CSMD3: variants seen among roughly 807,000 people sequenced by gnomAD.
CSMD3 encodes the protein CUB and sushi domain-containing protein 3.
Under a neutral mutation model 435.2 loss-of-function variants are expected in CSMD3, and 177 were observed. The ratio of observed to expected loss-of-function variants is 0.41; its 90% CI spans 0.36 to 0.46. The LOEUF (loss-of-function observed/expected upper bound fraction) is 0.46. Ranked by LOEUF, CSMD3 falls within the 20% of genes least tolerant of loss-of-function variation. The probability of loss-of-function intolerance (pLI) is 0.34; values close to 1 mark genes in which losing one functional copy is unlikely to be tolerated. For synonymous variants in CSMD3, 1,656 were observed against 1,520.5 expected (o/e 1.09, Z -2.07); for missense variants, 4,265 against 4,504.6 (o/e 0.95, Z 1.52).
chr8:113,391,160 C>T (rs961692245), intron 1 of CSMD3, among the ~76,000 whole-genome samples: 1 of 151,756 alleles, frequency 6.6e-6, no homozygotes, highest in Non-Finnish European at 1.5e-5. Context: ...CATAGATTCA[C>T]CAAAAATATC....
chr8:112,966,679 G>A (rs986774156), intron 7 of CSMD3, among the ~76,000 whole-genome samples: 2 of 151,534 alleles, frequency 1.3e-5, no homozygotes, highest in Non-Finnish European at 3.0e-5. Flanking sequence ...ACTTGGTGTT[G>A]ATTTTCTTAT....
At chr8:112,713,594 T>C (rs1230807607) in intron 13 of CSMD3, among the ~76,000 whole-genome samples, 2 of 151,908 alleles carry the variant, frequency 1.3e-5, no homozygotes, top group East Asian at 3.9e-4. Flanking sequence ...AGGTACTACA[T>C]GAGAAGATCA....
chr8:112,919,878 G>A (rs1445772644), intron 10 of CSMD3, among the ~76,000 whole-genome samples: 2 of 151,756 alleles, frequency 1.3e-5, no homozygotes, highest in Non-Finnish European at 2.9e-5. Flanking sequence ...CTATAAAAAA[G>A]TGTGCCTTTC....
At chr8:112,997,427 T>C (rs1253512768) in intron 6 of CSMD3, among the ~76,000 whole-genome samples, 1 of 151,642 alleles carries the variant, frequency 6.6e-6, no homozygotes, top group South Asian at 2.1e-4. Flanking sequence ...TGGATACCTG[T>C]TTTCTCAATG....
chr8:112,446,645 C>T (rs1815637032), intron 32 of CSMD3, among the ~76,000 whole-genome samples: 1 of 152,170 alleles, frequency 6.6e-6, no homozygotes, highest in Admixed American at 6.5e-5. Context: ...TTAGGTTTTT[C>T]ATTATTTTTG....
chr8:113,025,097 G>A (rs1194386705), intron 5 of CSMD3, among the ~76,000 whole-genome samples: 1 of 151,758 alleles, frequency 6.6e-6, no homozygotes, highest in East Asian at 1.9e-4. Flanking sequence ...ATCTTTTTCA[G>A]ACTCTTCATA....
intron 45 of CSMD3, among the ~76,000 whole-genome samples, chr8:112,331,047 T>C (rs1207347367): frequency 3.3e-5 from 5 of 152,026 alleles, no homozygotes; most frequent in African/African-American, 9.7e-5. Flanking sequence ...ACTTACCTTA[T>C]AGGGTTACTA....
intron 10 of CSMD3, among the ~76,000 whole-genome samples, chr8:112,878,863 C>T (rs1033457480): frequency 1.5e-4 from 23 of 152,040 alleles, no homozygotes; most frequent in Non-Finnish European, 3.1e-4. Flanking sequence ...TTATTAGTTC[C>T]CCAAATTAAT....
At position 112,289,326 on chromosome 8, in the gene CSMD3, T is replaced by C. The variant is rs759938687; in HGVS notation, c.9148+39A>G. ...GCTACTACTACTACTAACAATAATG[T>C]AATTTCCAACACATATTGTCCAATT... On this transcript the variant is annotated intron_variant, in intron 57 of 70. Transcript: ENST00000297405. The C allele has an allele frequency of 9.1e-6, 14 of 1,539,710 alleles. No homozygotes were observed. In the South Asian group the frequency reaches 1.6e-4, roughly 17 times the overall value.
At chr8:112,804,675 A>G (rs3887721) in intron 12 of CSMD3, among the ~76,000 whole-genome samples, 3 of 134,422 alleles carry the variant, frequency 2.2e-5, no homozygotes, top group Non-Finnish European at 4.9e-5. Context: ...ATTTTATTTT[A>G]TTTTTTTTGA....
intron 32 of CSMD3, among the ~76,000 whole-genome samples, chr8:112,422,433 G>A (rs1308344956): frequency 6.6e-6 from 1 of 152,148 alleles, no homozygotes; most frequent in Non-Finnish European, 1.5e-5. Context: ...CACAGGAGTA[G>A]CAGAATCTAT....
At chr8:112,758,990 A>T (rs2077769866) in intron 13 of CSMD3, among the ~76,000 whole-genome samples, 1 of 152,186 alleles carries the variant, frequency 6.6e-6, no homozygotes, top group South Asian at 2.1e-4. Flanking sequence ...ATAATAATTC[A>T]AAGACAGGGT....
chr8:112,350,531 A>G (rs143642476), intron 40 of CSMD3, among the ~76,000 whole-genome samples: 113 of 152,192 alleles, frequency 7.4e-4, no homozygotes, highest in African/African-American at 2.7e-3. Flanking sequence ...ATAGTAATTG[A>G]ATGTTTTAAA....
At chr8:112,391,794 T>G (rs1258390035) in intron 35 of CSMD3, among the ~76,000 whole-genome samples, 1 of 152,082 alleles carries the variant, frequency 6.6e-6, no homozygotes, top group African/African-American at 2.4e-5. Flanking sequence ...CCCAGTTTAG[T>G]TATTGCCAGT....
At chr8:112,821,217 G>C (rs565773826) in intron 12 of CSMD3, among the ~76,000 whole-genome samples, 18 of 152,256 alleles carry the variant, frequency 1.2e-4, no homozygotes, top group Non-Finnish European at 2.6e-4. Context: ...AGACCCTTAA[G>C]AAATCACCAC....
chr8:113,414,717 T>C (rs2129851098), intron 1 of CSMD3, among the ~76,000 whole-genome samples: 1 of 150,666 alleles, frequency 6.6e-6, no homozygotes, highest in Non-Finnish European at 1.5e-5. Context: ...TCCCAGAACT[T>C]TGGGAGACCA....
In CSMD3 at chr8:112,244,504, C is replaced by G. The variant is rs952118508; in HGVS notation, c.10292G>C (p.Gly3431Ala). ...NVVGMDLPSH[G>A]YTLIYTCQPG... The stretch of plus-strand genomic sequence containing the variant: ...CTGACAGGTATAAATCAGTGTATAC[C>G]CATGAGATGGAAGGTCCATCCCTAC... Residue 3431 changes from glycine (G) to alanine (A), a missense_variant, in exon 65 of 71, where the codon GGG becomes GCG. Coordinates refer to ENST00000297405, the MANE Select transcript of CSMD3 (RefSeq NM_198123.2). 1.9e-6 allele frequency: 3 copies of G among 1,613,812 alleles called. No individual in the cohort carries two copies. The highest frequency in any genetic ancestry group is 2.5e-6 in the Non-Finnish European group (3 of 1,179,816).
intron 13 of CSMD3, among the ~76,000 whole-genome samples, chr8:112,799,636 A>C (rs1290538403): frequency 1.3e-5 from 2 of 151,968 alleles, no homozygotes; most frequent in African/African-American, 4.8e-5. Context: ...AACTAGAATA[A>C]AATATTTTGT....
At chr8:113,089,392 C>A (rs1448756273) in intron 5 of CSMD3, among the ~76,000 whole-genome samples, 1 of 151,840 alleles carries the variant, frequency 6.6e-6, no homozygotes, top group Non-Finnish European at 1.5e-5. Flanking sequence ...CTATTTTCCA[C>A]AAAATAATTT....
Sources: gnomAD v4.1 joint callset for allele counts (sites outside exome capture counted in the v4.1 genomes callset) on GRCh38, gnomAD v4.1.1 for gene constraint, MANE v1.5 for transcripts, NCBI Gene and HGNC (gene_info 2026-07-23, HGNC 2026-07-21) for gene names.